MPDZ: variants seen among roughly 807,000 people sequenced by gnomAD.
MPDZ encodes multiple PDZ domain crumbs cell polarity complex component.
Under a neutral mutation model 239.1 loss-of-function variants are expected in MPDZ, and 234 were observed. The ratio of observed to expected loss-of-function variants is 0.98; its 90% CI spans 0.88 to 1.09. The LOEUF (loss-of-function observed/expected upper bound fraction) is 1.09. Among genes scored for constraint, MPDZ ranks in the 50% least tolerant of loss-of-function variants. The pLI is 0.00. For synonymous variants in MPDZ, 1,048 were observed against 881.3 expected (o/e 1.19, Z -3.35); for missense variants, 3,175 against 2,510.0 (o/e 1.26, Z -5.66).
intron 3 of MPDZ, among the ~76,000 whole-genome samples, chr9:13,239,785 G>A (rs901563066): frequency 6.6e-6 from 1 of 152,094 alleles, no homozygotes; most frequent in Admixed American, 6.6e-5. Context: ...AAGCAAACCT[G>A]AAATACAATT....
intron 3 of MPDZ, among the ~76,000 whole-genome samples, chr9:13,231,656 G>C (rs1457178918): frequency 6.6e-6 from 1 of 151,550 alleles, no homozygotes; most frequent in Non-Finnish European, 1.5e-5. Flanking sequence ...CAGGTTTAGA[G>C]AGTTTCACTG....
Position 13,273,980 on chromosome 9 carries a change from G to A in MPDZ, c.-58+5420C>T, listed in dbSNP as rs1451059790. On this transcript the variant is annotated intron_variant, in intron 1 of 46. Transcript: ENST00000319217. ...GATCAGATGATGCTCATTTAGAAAG[G>A]CAGCAATTGGTGAAATCTATTGATC... 2.0e-5 allele frequency among the ~76,000 whole-genome samples: 3 copies of A among 152,012 alleles called. No homozygotes were observed. The South Asian group carries it at 6.2e-4, about 32-fold the overall frequency.
rs753037206 is a variant in MPDZ, at chr9:13,249,143, TAAAC to T, written c.16+1153_16+1156del. Among the ~76,000 whole-genome samples the T allele has an allele frequency of 6.2e-4, 89 of 143,002 alleles. 1 individual carries two copies. Among genetic ancestry groups the T allele is most frequent in the South Asian group, 5.3e-3 (24 of 4,490 alleles). The allele number at this position is 143,002 out of a possible 152,430, so 93.8% of individuals were successfully genotyped here. On this transcript the variant is annotated intron_variant, in intron 2 of 46. Transcript: ENST00000319217. ...ACACACACACACACACACACAAACT[TAAAC>T]AAACAATATTTACTCATATGCAGAA... is the stretch of plus-strand genomic sequence containing the variant.
At chr9:13,229,093 T>G (rs1437253528) in intron 3 of MPDZ, among the ~76,000 whole-genome samples, 1 of 152,120 alleles carries the variant, frequency 6.6e-6, no homozygotes, top group Non-Finnish European at 1.5e-5. Flanking sequence ...GAAAACATAA[T>G]TTATCTTTAG....
chr9:13,134,639 T>C (rs1358601688), intron 31 of MPDZ: 1 of 152,166 alleles, frequency 6.6e-6, no homozygotes, highest in Non-Finnish European at 1.5e-5. Flanking sequence ...TACACATGTA[T>C]CCAAAGCTTT....
intron 1 of MPDZ, 189 bp downstream of exon 1, chr9:13,279,211 A>G (rs1286026325): frequency 7.2e-6 from 1 of 139,588 alleles, no homozygotes. Context: ...GGGTGGGGCA[A>G]GCGCACCGCC....
chr9:13,219,888 A>T, intron 7 of MPDZ, 120 bp from the exon 8 acceptor site: 4 of 870,150 alleles, frequency 4.6e-6, no homozygotes, highest in Non-Finnish European at 7.2e-6. Context: ...CAGGACATAA[A>T]ATAAAACACA....
intron 29 of MPDZ, 116 bp downstream of exon 29, chr9:13,137,841 T>C: frequency 1.8e-6 from 2 of 1,082,532 alleles, no homozygotes; most frequent in South Asian, 3.3e-5. Context: ...ATCTATTTTA[T>C]TAAGCAAGCA....
intron 27 of MPDZ, among the ~76,000 whole-genome samples, chr9:13,141,233 AG>A (rs1296199712): frequency 1.3e-5 from 2 of 152,204 alleles, no homozygotes; most frequent in Non-Finnish European, 2.9e-5. Flanking sequence ...AGAGTTTGAA[AG>A]GTCTTTAAGT....
intron 22 of MPDZ, among the ~76,000 whole-genome samples, chr9:13,165,209 T>C (rs924432161): frequency 6.6e-6 from 1 of 152,182 alleles, no homozygotes; most frequent in Non-Finnish European, 1.5e-5. Flanking sequence ...TGTTGGATTT[T>C]ATGTTCTTAC....
intron 19 of MPDZ, among the ~76,000 whole-genome samples, 196 bp downstream of exon 19, chr9:13,183,222 A>G (rs1487191609): frequency 6.6e-6 from 1 of 152,056 alleles, no homozygotes; most frequent in Non-Finnish European, 1.5e-5. Context: ...CTAAATTTAA[A>G]TAGTTTCTAG....
At chr9:13,277,689 C>T (rs1974551294) in intron 1 of MPDZ, among the ~76,000 whole-genome samples, 1 of 152,102 alleles carries the variant, frequency 6.6e-6, no homozygotes, top group Admixed American at 6.5e-5. Context: ...CCCAGCCTCC[C>T]TAGTATCTGA....
chr9:13,268,175 C>G (rs951758875), intron 1 of MPDZ, among the ~76,000 whole-genome samples: 4 of 148,698 alleles, frequency 2.7e-5, no homozygotes, highest in African/African-American at 7.3e-5. Flanking sequence ...TATATACACA[C>G]ATAGAGAGAG....
At chr9:13,222,523 T>C in intron 5 of MPDZ, 77 bp from the exon 6 acceptor site, 1 of 1,153,720 alleles carries the variant, frequency 8.7e-7, no homozygotes, top group Non-Finnish European at 1.3e-6. Context: ...GCATGTATGT[T>C]CAAGTCATTT....
At chr9:13,180,430 G>C (rs556651836) in intron 19 of MPDZ, among the ~76,000 whole-genome samples, 5 of 152,142 alleles carry the variant, frequency 3.3e-5, no homozygotes, top group African/African-American at 1.2e-4. Flanking sequence ...TCACCGGACA[G>C]AGTAAGAGTA....
Position 13,193,313 on chromosome 9 carries a change from C to G in MPDZ, c.1657G>C (p.Val553Leu). The change falls in exon 14 of 47, where the codon GTG becomes CTG. Residue 553 changes from valine to leucine, a missense_variant and splice_region_variant. By Grantham distance (32) the Val-to-Leu change is conservative (BLOSUM62 1). Coordinates refer to ENST00000319217, the MANE Select transcript of MPDZ (RefSeq NM_001378778.1). Reference protein sequence around the residue: ...RIMGINYEIVVAHVSKFSENS... With the variant: ...RIMGINYEIVLAHVSKFSENS... ...TCACTAAACTTGCTCACATGGGCCACCTGAAAAGAAAAAAAAAAAGATCAC... is the reference window on the plus strand; with the variant it reads ...TCACTAAACTTGCTCACATGGGCCAGCTGAAAAGAAAAAAAAAAAGATCAC... The G allele has an allele frequency of 6.3e-7, 1 of 1,574,838 alleles. No individual in the cohort carries two copies. Among genetic ancestry groups the G allele is most frequent in the Non-Finnish European group, 8.6e-7 (1 of 1,164,114 alleles).
chr9:13,193,224 T>TGGAC lies in MPDZ; in HGVS notation c.1745_1746insGTCC (p.Pro583SerfsTer64). 6.2e-7 allele frequency: 1 copy of TGGAC among 1,611,780 alleles called. No individual in the cohort carries two copies. Among genetic ancestry groups the TGGAC allele is most frequent in the Non-Finnish European group, 8.5e-7 (1 of 1,178,520 alleles). ...CGCTGTGTCCAACAGGACCCTCTGG[T>TGGAC]AGAACAGATCGGATAAAATGATGTC... On this transcript the variant is annotated frameshift_variant, in exon 14 of 47. Coordinates refer to ENST00000319217, the MANE Select transcript of MPDZ (RefSeq NM_001378778.1). LOFTEE classifies it high-confidence loss of function.
chr9:13,182,602 C>CA (rs1330165595), intron 19 of MPDZ, among the ~76,000 whole-genome samples: 1 of 151,816 alleles, frequency 6.6e-6, no homozygotes, highest in East Asian at 1.9e-4. Context: ...CAACCCAATA[C>CA]AAAATGGCCA....
At chr9:13,272,069 G>C (rs948470030) in intron 1 of MPDZ, among the ~76,000 whole-genome samples, 2 of 152,056 alleles carry the variant, frequency 1.3e-5, no homozygotes, top group African/African-American at 4.8e-5. Context: ...TTGATTGTGG[G>C]GGATAGCTTC....
Sources: allele counts gnomAD v4.1 joint callset (sites outside exome capture counted in the v4.1 genomes callset), GRCh38; gene constraint gnomAD v4.1.1; transcripts MANE v1.5; gene names NCBI Gene and HGNC (gene_info 2026-07-23, HGNC 2026-07-21).